IGSF10: variants seen among roughly 807,000 people sequenced by gnomAD.
The protein encoded by IGSF10 is calvaria mechanical force protein 608.
In IGSF10, 126 loss-of-function variants were observed where a neutral mutation model predicts 128.2. The ratio of observed to expected loss-of-function variants is 0.98; its 90% CI spans 0.85 to 1.14. The LOEUF (loss-of-function observed/expected upper bound fraction) is 1.14, where lower values mean the gene tolerates loss of function less well. Among genes scored for constraint, IGSF10 ranks in the 50% most tolerant of loss-of-function variants. The pLI is 0.00. For synonymous variants in IGSF10, 1,185 were observed against 1,146.2 expected, an observed-to-expected ratio of 1.03 and a Z score of -0.68; for missense variants, 3,295 against 3,149.8, an observed-to-expected ratio of 1.05 and a Z score of -1.10.
the IGSF10 span, among the ~76,000 whole-genome samples, chr3:151,527,198 C>A: frequency 2.6e-5 from 4 of 152,194 alleles, no homozygotes; most frequent in African/African-American, 9.7e-5. Context: ...CTCAGCCCAG[C>A]CTGGCTCTGG....
intron 5 of IGSF10, 25 bp downstream of exon 5, chr3:151,453,359 A>G: frequency 2.0e-6 from 3 of 1,534,594 alleles, no homozygotes; most frequent in Non-Finnish European, 2.6e-6. Flanking sequence ...CTTAATTGGG[A>G]CAAAAAAATA....
At position 151,446,102 on chromosome 3, in the gene IGSF10, G is replaced by T; in HGVS notation, c.3879C>A (p.Pro1293=). 6.2e-7 allele frequency: 1 copy of T among 1,614,180 alleles called. No individual in the cohort carries two copies. Among genetic ancestry groups the T allele is most frequent in the Non-Finnish European group, 8.5e-7 (1 of 1,180,044 alleles). ...TAATACTAGGAAGCATAGGGTTAAGGGGTGGGAAGGGAAGCTCCTTCTTTG... is the reference window on the plus strand; with the variant it reads ...TAATACTAGGAAGCATAGGGTTAAGTGGTGGGAAGGGAAGCTCCTTCTTTG... The part of the protein sequence containing the change: ...LPTKKELPFP[P]LNPMLPSIIS... Residue 1293 remains proline (P), a synonymous_variant, in exon 6 of 8, where the codon CCC becomes CCA. Coordinates refer to ENST00000282466, the MANE Select transcript of IGSF10 (RefSeq NM_178822.5).
chr3:151,463,533 T>TTTGTTTTTTTTTTTG, upstream of IGSF10, among the ~76,000 whole-genome samples: 1 of 63,684 alleles, frequency 1.6e-5, no homozygotes. Context: ...GTTTTTTTTT[T>TTTGTTTTTTTTTTTG]TTTTTTTTTT....
chr3:151,449,138 C>T lies in IGSF10; in HGVS notation c.843G>A (p.Lys281=). The part of the protein sequence containing the change: ...MVSAAAFQCA[K]PTIDSSLKSK... ...ATTTCAGGGATGAGTCAATGGTTGG[C>T]TTGGCACACTGGAAAGCTGCAGCTG... Residue 281 remains lysine (K), a synonymous_variant, in exon 6 of 8, where the codon AAG becomes AAA. Coordinates refer to ENST00000282466, the MANE Select transcript of IGSF10 (RefSeq NM_178822.5). The T allele has an allele frequency of 1.9e-6, 3 of 1,614,206 alleles. No homozygotes were observed. Among genetic ancestry groups the T allele is most frequent in the African/African-American group, 1.3e-5 (1 of 75,040 alleles).
In IGSF10 at chr3:151,437,380, C is replaced by A. The variant is rs751831835; in HGVS notation, c.7181G>T (p.Gly2394Val). The A allele has an allele frequency of 2.5e-6, 4 of 1,614,154 alleles. No individual in the cohort carries two copies. In the South Asian group the frequency reaches 3.3e-5, roughly 13 times the overall value. The change falls in exon 8 of 8, where the codon GGT (glycine) becomes GTT (valine). Residue 2394 changes from glycine to valine, a missense_variant. Transcript: ENST00000282466. ...AGTTGTTTTAGAAATGATAAAAGAA[C>A]CATTGCTTGCTATCAGATACTGATA... The part of the protein sequence containing the change: ...QSYQYLIASN[G>V]SFIISKTTRE...
intron 3 of IGSF10, among the ~76,000 whole-genome samples, chr3:151,458,131 ATG>A (rs142272716): frequency 1.7e-4 from 25 of 150,520 alleles, no homozygotes; most frequent in African/African-American, 4.1e-4. Context: ...ATATGTATGT[ATG>A]TGTGTGTGTG....
the IGSF10 span, among the ~76,000 whole-genome samples, chr3:151,591,914 T>C: frequency 6.6e-6 from 1 of 152,246 alleles, no homozygotes; most frequent in Non-Finnish European, 1.5e-5. Flanking sequence ...TGTGCTATTA[T>C]GTTTTATTAC....
chr3:151,516,489 A>G, the IGSF10 span, among the ~76,000 whole-genome samples: 2 of 152,076 alleles, frequency 1.3e-5, no homozygotes, highest in African/African-American at 4.8e-5. Context: ...TTATGCCTTG[A>G]CAGATGGAAG....
the IGSF10 span, among the ~76,000 whole-genome samples, chr3:151,501,463 A>C: frequency 6.6e-6 from 1 of 151,996 alleles, no homozygotes; most frequent in South Asian, 2.1e-4. Flanking sequence ...ATGCGAAGGC[A>C]TTTAAAAAAT....
chr3:151,479,937 T>C, the IGSF10 span, among the ~76,000 whole-genome samples: 1 of 151,348 alleles, frequency 6.6e-6, no homozygotes, highest in Middle Eastern at 3.4e-3. Context: ...GAGTTAATAA[T>C]CTAACGAAGA....
chr3:151,480,315 TGGGATCAGCTTG>T, the IGSF10 span, among the ~76,000 whole-genome samples: 1 of 152,208 alleles, frequency 6.6e-6, no homozygotes, highest in Non-Finnish European at 1.5e-5. Context: ...TCTTCCCAGT[TGGGATCAGCTTG>T]GGACTAGGAG....
upstream of IGSF10, among the ~76,000 whole-genome samples, chr3:151,463,523 G>GT (rs745415781): frequency 1.6e-3 from 51 of 31,272 alleles, 7 homozygotes; most frequent in Admixed American, 3.7e-3. Context: ...ACATTTTCTG[G>GT]TTTTTTTTTT....
At chr3:151,593,951 C>T in the IGSF10 span, among the ~76,000 whole-genome samples, 2 of 151,764 alleles carry the variant, frequency 1.3e-5, no homozygotes, top group Non-Finnish European at 2.9e-5. Context: ...AGGATTTCAT[C>T]TCAGAAAAAA....
chr3:151,464,584 T>G (rs1722218164), upstream of IGSF10, among the ~76,000 whole-genome samples: 1 of 152,216 alleles, frequency 6.6e-6, no homozygotes, highest in Non-Finnish European at 1.5e-5. Context: ...AAGCTATGAA[T>G]TTTAAAACTG....
rs778548725 is a variant in IGSF10, at chr3:151,443,462, CCTGGCCACCTGGGTTG to C, written c.5469_5484del (p.Ser1823ArgfsTer18). ...ACTTGTATTTTAACCAGCAGTGAAT[CCTGGCCACCTGGGTTG>C]CTGGCCACACATTTGTAAAAGCCAC... On this transcript the variant is annotated frameshift_variant, in exon 7 of 8. Coordinates refer to ENST00000282466, the MANE Select transcript of IGSF10 (RefSeq NM_178822.5). LOFTEE classifies it high-confidence loss of function. 1 of 1,614,196 alleles carries C rather than the reference CCTGGCCACCTGGGTTG, an allele frequency of 6.2e-7. No homozygotes were observed.
In IGSF10 at chr3:151,453,537, TAATG is replaced by T; in HGVS notation, c.558_561del (p.Phe186LeufsTer11). On this transcript the variant is annotated frameshift_variant, in exon 5 of 8. Transcript: ENST00000282466. LOFTEE classifies it high-confidence loss of function. ...AAGTTATCAGACAAGTATAGGAACT[TAATG>T]AAAGAGATTTTAAATATCTGGAGGT... 2.5e-6 allele frequency: 4 copies of T among 1,614,026 alleles called. No homozygotes were observed. The highest frequency in any genetic ancestry group is 3.4e-6 in the Non-Finnish European group (4 of 1,179,936).
At chr3:151,552,448 C>G in the IGSF10 span, among the ~76,000 whole-genome samples, 1 of 152,106 alleles carries the variant, frequency 6.6e-6, no homozygotes, top group African/African-American at 2.4e-5. Flanking sequence ...TGTCCTTAAG[C>G]AACATCTTAA....
chr3:151,434,334 C>T (rs976986755), downstream of IGSF10: 6 of 152,112 alleles, frequency 3.9e-5, no homozygotes, highest in South Asian at 2.1e-4. Flanking sequence ...AAGTTTGACT[C>T]ATGCAAATGA....
the IGSF10 span, among the ~76,000 whole-genome samples, chr3:151,549,481 T>C: frequency 6.6e-6 from 1 of 152,222 alleles, no homozygotes; most frequent in Non-Finnish European, 1.5e-5. Flanking sequence ...CAGAGCTGTC[T>C]GATATCCTCA....
Sources: gnomAD v4.1 joint callset for allele counts (sites outside exome capture counted in the v4.1 genomes callset) on GRCh38, gnomAD v4.1.1 for gene constraint, MANE v1.5 for transcripts, NCBI Gene and HGNC (gene_info 2026-07-23, HGNC 2026-07-21) for gene names.